PDZD2: variants seen among roughly 807,000 people sequenced by gnomAD.
PDZD2 encodes the protein PDZ domain-containing protein 2.
PDZD2 carries 90 observed loss-of-function variants against 220.7 expected under a neutral mutation model. The ratio of observed to expected loss-of-function variants is 0.41; its 90% CI spans 0.34 to 0.49. The LOEUF is 0.49. Among genes scored for constraint, PDZD2 ranks in the 20% least tolerant of loss-of-function variants. The pLI is 0.28. For missense variants in PDZD2, 3,174 were observed against 3,608.5 expected, an observed-to-expected ratio of 0.88 and a Z score of 3.08; for synonymous variants, 1,375 against 1,450.5, an observed-to-expected ratio of 0.95 and a Z score of 1.18.
At chr5:31,690,117 G>C (rs1747059291) in intron 1 of PDZD2, among the ~76,000 whole-genome samples, 1 of 152,110 alleles carries the variant, frequency 6.6e-6, no homozygotes. Flanking sequence ...CAACTCCTAT[G>C]TGCAAATCCC....
chr5:32,087,312 C>A lies in PDZD2; in HGVS notation c.3864C>A (p.Gly1288=). The change falls in exon 20 of 25, where the codon GGC becomes GGA. Residue 1288 remains glycine, a synonymous_variant. Coordinates refer to ENST00000438447, the MANE Select transcript of PDZD2 (RefSeq NM_178140.4). The surrounding 1 kb of genome is among the most constrained non-coding windows in gnomAD (Gnocchi z 4.0). The part of the protein sequence containing the change: ...ARSPVRLPHE[G]SPSPGEKAAA... ...CTCCAGTCAGGCTCCCCCATGAGGG[C>A]AGCCCCTCCCCGGGGGAGAAAGCAG... is the stretch of plus-strand genomic sequence containing the variant. 1 of 1,614,154 alleles carries A rather than the reference C, an allele frequency of 6.2e-7. No individual in the cohort carries two copies. The highest frequency in any genetic ancestry group is 1.3e-5 in the African/African-American group (1 of 75,070).
At chr5:31,889,757 G>A (rs1425253999) in intron 2 of PDZD2, among the ~76,000 whole-genome samples, 8 of 152,064 alleles carry the variant, frequency 5.3e-5, no homozygotes, top group African/African-American at 1.2e-4. Flanking sequence ...AGTGGCTCAC[G>A]CTTGTAATCC....
intron 2 of PDZD2, chr5:31,840,680 G>A: frequency 2.7e-6 from 2 of 745,274 alleles, no homozygotes; most frequent in Non-Finnish European, 4.9e-6. Flanking sequence ...GGCTCTTAGA[G>A]TGCTTAATGT....
rs781737858 is a variant in PDZD2 at position 32,089,062 on chromosome 5, C to G, written c.5614C>G (p.Leu1872Val). ...DLSKKSPAEM[L>V]LTNGQKAKCG... ...GTCTAAGAAGAGTCCGGCAGAAATG[C>G]TTCTGACTAATGGTCAGAAGGCAAA... Residue 1872 changes from leucine to valine, a missense_variant, in exon 20 of 25, where the codon CTT becomes GTT. Leu to Val is a conservative substitution (Grantham distance 32). Transcript: ENST00000438447. 1 of 1,613,910 alleles carries G rather than the reference C, an allele frequency of 6.2e-7. No individual in the cohort carries two copies. The highest frequency in any genetic ancestry group is 1.3e-5 in the African/African-American group (1 of 75,018).
At position 31,826,171 on chromosome 5, in the gene PDZD2, A is replaced by G. The variant is rs570929299; in HGVS notation, c.476+26447A>G. On this transcript the variant is annotated intron_variant, in intron 2 of 24. Transcript: ENST00000438447. Reference sequence around the variant, plus strand: ...GTTTCCTGTCTCCTGCCTTTTATCCATGCCCCCAAGATAATCGTGTTGGTT... The same window carrying G: ...GTTTCCTGTCTCCTGCCTTTTATCCGTGCCCCCAAGATAATCGTGTTGGTT... Among the ~76,000 whole-genome samples, 10 of 152,156 alleles carry G rather than the reference A, an allele frequency of 6.6e-5. No homozygotes were observed. The East Asian group carries it at 7.8e-4, about 12-fold the overall frequency.
intron 2 of PDZD2, among the ~76,000 whole-genome samples, chr5:31,924,721 C>T (rs1744588480): frequency 6.6e-6 from 1 of 152,196 alleles, no homozygotes; most frequent in South Asian, 2.1e-4. Context: ...CAGGATCATA[C>T]CCCAAAGATT....
chr5:31,772,617 G>A (rs1050949029), intron 1 of PDZD2, among the ~76,000 whole-genome samples: 11 of 152,130 alleles, frequency 7.2e-5, no homozygotes, highest in Admixed American at 2.0e-4. Context: ...CCTGTCTTAC[G>A]GATCTAGGTG....
chr5:31,892,969 G>A (rs1741192194), intron 2 of PDZD2, among the ~76,000 whole-genome samples: 2 of 152,210 alleles, frequency 1.3e-5, no homozygotes, highest in South Asian at 4.1e-4. Context: ...TGTGAACAAA[G>A]TGTGGCGTGG....
intron 2 of PDZD2, among the ~76,000 whole-genome samples, chr5:31,931,004 A>G (rs1745234059): frequency 6.6e-6 from 1 of 152,054 alleles, no homozygotes; most frequent in Non-Finnish European, 1.5e-5. Flanking sequence ...AGGAGGGGGA[A>G]CCTGTCTGAG....
chr5:31,847,067 A>G (rs1757622690), intron 2 of PDZD2, among the ~76,000 whole-genome samples: 2 of 152,212 alleles, frequency 1.3e-5, no homozygotes, highest in South Asian at 4.1e-4. Context: ...GCACTCAATA[A>G]ACCTCGTTAA....
chr5:31,787,258 C>T (rs1753434204), intron 1 of PDZD2, among the ~76,000 whole-genome samples: 1 of 152,214 alleles, frequency 6.6e-6, no homozygotes, highest in African/African-American at 2.4e-5. Context: ...TGCACATTGC[C>T]TCGTAAATGC....
rs1482068332 is a variant in PDZD2 at position 32,089,939 on chromosome 5, TG to T, written c.6493del (p.Ala2165GlnfsTer26). ...CAGGAAATGTCACGATCATTCAGCA[TG>T]GCAAAACTGGCGTCCTCCTCCTCCT... ...AEQEMSRSFS[M>X]AKLASSSSSL... is the part of the protein sequence containing the mutation. On this transcript the variant is annotated frameshift_variant, in exon 20 of 25. Transcript: ENST00000438447. LOFTEE classifies it high-confidence loss of function. 6.2e-7 allele frequency: 1 copy of T among 1,609,194 alleles called. No homozygotes were observed. Among genetic ancestry groups the T allele is most frequent in the Admixed American group, 1.7e-5 (1 of 59,640 alleles).
At chr5:31,886,454 T>C (rs977440031) in intron 2 of PDZD2, among the ~76,000 whole-genome samples, 2 of 152,056 alleles carry the variant, frequency 1.3e-5, no homozygotes, top group Non-Finnish European at 2.9e-5. Context: ...TCCTCTCTCC[T>C]CTCTGCTGAG....
At chr5:32,025,174 G>A (rs975078494) in intron 6 of PDZD2, among the ~76,000 whole-genome samples, 6 of 152,222 alleles carry the variant, frequency 3.9e-5, no homozygotes, top group Non-Finnish European at 8.8e-5. Flanking sequence ...AAGCAGCAAG[G>A]AGCTCATATT....
intron 2 of PDZD2, chr5:31,840,900 A>G: frequency 1.7e-6 from 1 of 582,072 alleles, no homozygotes; most frequent in South Asian, 2.3e-5. Flanking sequence ...GGACAAAGGA[A>G]TAACTCCATG....
chr5:31,870,259 A>C (rs1224512034), intron 2 of PDZD2, among the ~76,000 whole-genome samples: 1 of 152,226 alleles, frequency 6.6e-6, no homozygotes, highest in African/African-American at 2.4e-5. Context: ...ACATATGCCC[A>C]CATATAAGGT....
rs112470517 is a variant in PDZD2, at chr5:31,926,862, A to G, written c.477-56293A>G. Among the ~76,000 whole-genome samples, 556 of 152,358 alleles carry G rather than the reference A, an allele frequency of 3.6e-3. 7 individuals are homozygous for G. Among genetic ancestry groups the G allele is most frequent in the African/African-American group, 0.013 (527 of 41,588 alleles). ...ATTGGATAAACAAAGTGTGATATAT[A>G]TATACACCATGAAATACGACACAGT... On this transcript the variant is annotated intron_variant, in intron 2 of 24. Transcript: ENST00000438447.
intron 2 of PDZD2, among the ~76,000 whole-genome samples, chr5:31,837,658 A>T (rs1358100891): frequency 6.6e-6 from 1 of 152,046 alleles, no homozygotes; most frequent in African/African-American, 2.4e-5. Flanking sequence ...TGGGAGGCAG[A>T]GGTTGCAGTG....
intron 18 of PDZD2, among the ~76,000 whole-genome samples, chr5:32,076,487 AT>A (rs1370727678): frequency 6.6e-6 from 1 of 152,124 alleles, no homozygotes; most frequent in Middle Eastern, 3.2e-3. Context: ...TAGTTACAAA[AT>A]TTGATTTTAT....
Sources: gnomAD v4.1 joint callset for allele counts (sites outside exome capture counted in the v4.1 genomes callset) on GRCh38, gnomAD v4.1.1 for gene constraint, Gnocchi (gnomAD v3.1) non-coding constraint, MANE v1.5 for transcripts, NCBI Gene and HGNC (gene_info 2026-07-23, HGNC 2026-07-21) for gene names.